CPED1: variants seen among roughly 807,000 people sequenced by gnomAD.
CPED1 encodes cadherin-like and PC-esterase domain-containing protein 1.
A neutral mutation model predicts 128.2 loss-of-function variants in CPED1; 114 were observed. The observed-to-expected ratio is 0.89, with a 90% confidence interval of 0.76 to 1.04. The LOEUF (loss-of-function observed/expected upper bound fraction) is 1.04. CPED1 is among the 50% of genes least tolerant of loss of function. The probability of loss-of-function intolerance (pLI) is 0.00; values close to 1 mark genes in which losing one functional copy is unlikely to be tolerated. For synonymous variants in CPED1, 462 were observed against 426.7 expected (o/e 1.08, Z -1.02); for missense variants, 1,211 against 1,207.1 (o/e 1.00, Z -0.05).
intron 4 of CPED1, among the ~76,000 whole-genome samples, chr7:121,055,384 C>A (rs1009588394): frequency 8.6e-5 from 13 of 151,794 alleles, no homozygotes; most frequent in Non-Finnish European, 1.9e-4. Flanking sequence ...AAATTTCCTG[C>A]CTTCAGGGTT....
intron 5 of CPED1, among the ~76,000 whole-genome samples, chr7:121,072,269 AAAAAT>A (rs1313110537): frequency 6.6e-6 from 1 of 152,080 alleles, no homozygotes; most frequent in Non-Finnish European, 1.5e-5. Context: ...CTAAAATAGA[AAAAAT>A]AGATCACACT....
intron 7 of CPED1, among the ~76,000 whole-genome samples, chr7:121,109,320 G>A (rs1795051842): frequency 6.6e-6 from 1 of 152,106 alleles, no homozygotes; most frequent in South Asian, 2.1e-4. Context: ...TTGCGTCACT[G>A]GCTGACACAG....
Position 121,041,261 on chromosome 7 carries a change from G to A in CPED1, c.434-5626G>A, listed in dbSNP as rs77104030. Among the ~76,000 whole-genome samples, 410 of 152,086 alleles carry A rather than the reference G, an allele frequency of 2.7e-3. 3 individuals carry two copies. The highest frequency in any genetic ancestry group is 9.5e-3 in the African/African-American group (395 of 41,526). Reference sequence around the variant, plus strand: ...TACATTTTATAAATATGTGGCAAATGCTTTACATTTCAGTCACTATTGTAG... The same window carrying A: ...TACATTTTATAAATATGTGGCAAATACTTTACATTTCAGTCACTATTGTAG... On this transcript the variant is annotated intron_variant, in intron 3 of 22. Transcript: ENST00000310396.
rs115034137 is a variant in CPED1 at position 121,204,980 on chromosome 7, G to A, written c.2056-31734G>A. 4.5e-3 allele frequency among the ~76,000 whole-genome samples: 681 copies of A among 152,148 alleles called. 4 individuals are homozygous for A. Among genetic ancestry groups the A allele is most frequent in the African/African-American group, 0.015 (642 of 41,538 alleles). The stretch of plus-strand genomic sequence containing the variant: ...TAGGCCACCTCCATAAAATAATTGG[G>A]TTTCTTTTCTGGGATGCAGTTCCTT... On this transcript the variant is annotated intron_variant, in intron 16 of 22. Transcript: ENST00000310396.
chr7:121,186,151 T>G (rs1330140060), intron 16 of CPED1, among the ~76,000 whole-genome samples: 1 of 152,196 alleles, frequency 6.6e-6, no homozygotes, highest in Non-Finnish European at 1.5e-5. Flanking sequence ...CAAGACCTTG[T>G]TATTCATACT....
chr7:121,095,220 G>A (rs888341152), intron 5 of CPED1, among the ~76,000 whole-genome samples: 2 of 152,138 alleles, frequency 1.3e-5, no homozygotes, highest in Non-Finnish European at 2.9e-5. Flanking sequence ...TATGGAGAAG[G>A]GGGATGGATT....
intron 22 of CPED1, among the ~76,000 whole-genome samples, chr7:121,277,499 T>G (rs1792353264): frequency 6.6e-6 from 1 of 152,058 alleles, no homozygotes; most frequent in South Asian, 2.1e-4. Flanking sequence ...TTGGTAGAGG[T>G]GCAAGTGTAT....
intron 16 of CPED1, among the ~76,000 whole-genome samples, chr7:121,196,106 C>G (rs1001407014): frequency 6.6e-5 from 10 of 152,018 alleles, no homozygotes. Flanking sequence ...CCAAGCATGT[C>G]ATTCAGTTTT....
chr7:121,210,994 A>ATG (rs1329920230), intron 16 of CPED1, among the ~76,000 whole-genome samples: 1 of 132,810 alleles, frequency 7.5e-6, no homozygotes, highest in African/African-American at 2.8e-5. Context: ...ATAAAGAAAA[A>ATG]GTTAGTTTAG....
At chr7:121,107,149 A>G (rs758710518) in intron 7 of CPED1, among the ~76,000 whole-genome samples, 1 of 152,152 alleles carries the variant, frequency 6.6e-6, no homozygotes, top group Non-Finnish European at 1.5e-5. Flanking sequence ...GAAATGGACC[A>G]TGAATTAAGG....
chr7:121,172,807 G>A (rs144726970), intron 16 of CPED1, among the ~76,000 whole-genome samples: 67 of 152,278 alleles, frequency 4.4e-4, no homozygotes, highest in African/African-American at 1.6e-3. Flanking sequence ...GAAACCTAGA[G>A]TAAATGCATA....
chr7:121,033,943 T>G (rs1445562727), intron 3 of CPED1, among the ~76,000 whole-genome samples: 1 of 152,226 alleles, frequency 6.6e-6, no homozygotes, highest in Non-Finnish European at 1.5e-5. Context: ...CAATGCCTTA[T>G]TATACAATGT....
At chr7:121,256,418 T>C (rs1195113431) in intron 18 of CPED1, among the ~76,000 whole-genome samples, 1 of 152,012 alleles carries the variant, frequency 6.6e-6, no homozygotes, top group Non-Finnish European at 1.5e-5. Flanking sequence ...TTTCACCATA[T>C]ACAAAAATTA....
At chr7:121,177,685 T>C (rs1374622967) in intron 16 of CPED1, among the ~76,000 whole-genome samples, 3 of 152,084 alleles carry the variant, frequency 2.0e-5, no homozygotes, top group Non-Finnish European at 4.4e-5. Flanking sequence ...AGTGCTGTAC[T>C]GCAGCTTGGC....
chr7:121,169,701 G>C (rs1796607544), intron 16 of CPED1, among the ~76,000 whole-genome samples: 1 of 152,114 alleles, frequency 6.6e-6, no homozygotes, highest in African/African-American at 2.4e-5. Context: ...TGATCTTATT[G>C]ATCTGTGGCT....
intron 4 of CPED1, chr7:121,052,098 A>G (rs997425414): frequency 5.9e-5 from 9 of 152,232 alleles, no homozygotes; most frequent in African/African-American, 1.7e-4. Context: ...CATTACACCA[A>G]ATGCATTGAG....
chr7:121,265,028 A>G (rs533685579), intron 18 of CPED1, among the ~76,000 whole-genome samples: 1 of 152,152 alleles, frequency 6.6e-6, no homozygotes, highest in South Asian at 2.1e-4. Flanking sequence ...AGAACAGGAA[A>G]ATTAATTGTG....
At chr7:121,018,808 C>T (rs1456786410) in intron 3 of CPED1, among the ~76,000 whole-genome samples, 4 of 151,962 alleles carry the variant, frequency 2.6e-5, no homozygotes, top group Non-Finnish European at 4.4e-5. Context: ...TTTCTGAATA[C>T]ATATTGCACT....
At chr7:121,259,066 C>G (rs1791952380) in intron 18 of CPED1, among the ~76,000 whole-genome samples, 1 of 152,030 alleles carries the variant, frequency 6.6e-6, no homozygotes. Flanking sequence ...GTAGTAATTT[C>G]TCTCAGCTGA....
Sources: gnomAD v4.1 joint callset for allele counts (sites outside exome capture counted in the v4.1 genomes callset) on GRCh38, gnomAD v4.1.1 for gene constraint, MANE v1.5 for transcripts, NCBI Gene and HGNC (gene_info 2026-07-23, HGNC 2026-07-21) for gene names.